The following ADARB2 variants were observed in gnomAD, a reference collection of about 807,000 sequenced individuals.
ADARB2 encodes the protein adenosine deaminase RNA specific B2 (inactive).
Under a neutral mutation model 62.2 loss-of-function variants are expected in ADARB2, and 25 were observed. The ratio of observed to expected loss-of-function variants is 0.40; its 90% CI spans 0.29 to 0.56. The LOEUF (loss-of-function observed/expected upper bound fraction) is 0.56. ADARB2 is among the 20% of genes least tolerant of loss of function. The pLI, the probability that ADARB2 is intolerant of heterozygous loss-of-function variation, is 0.43. For missense variants in ADARB2, 1,071 were observed against 1,077.4 expected (o/e 0.99, Z 0.08); for synonymous variants, 572 against 500.8 (o/e 1.14, Z -1.90).
intron 3 of ADARB2, among the ~76,000 whole-genome samples, chr10:1,306,063 A>T (rs1053459452): frequency 6.6e-6 from 1 of 152,156 alleles, no homozygotes; most frequent in South Asian, 2.1e-4. Flanking sequence ...GGCCAGTGCA[A>T]TTAGGCAGGA....
intron 1 of ADARB2, among the ~76,000 whole-genome samples, chr10:1,614,290 T>C (rs1833604417): frequency 6.6e-6 from 1 of 152,240 alleles, no homozygotes. Context: ...AAAAGCAAAA[T>C]AGATACTGTT....
chr10:1,451,633 G>C (rs1218346974), intron 1 of ADARB2, among the ~76,000 whole-genome samples: 5 of 151,772 alleles, frequency 3.3e-5, no homozygotes, highest in Non-Finnish European at 5.9e-5. Flanking sequence ...TCCTGAGAAG[G>C]GGACACACCT....
chr10:1,252,177 G>A (rs1476765258), intron 4 of ADARB2, among the ~76,000 whole-genome samples: 1 of 152,176 alleles, frequency 6.6e-6, no homozygotes, highest in Non-Finnish European at 1.5e-5. Flanking sequence ...ACTGTATCTG[G>A]TTTTGGAGGA....
intron 1 of ADARB2, among the ~76,000 whole-genome samples, chr10:1,566,661 G>A (rs1026330897): frequency 6.6e-6 from 1 of 152,196 alleles, no homozygotes; most frequent in Admixed American, 6.5e-5. Flanking sequence ...TAAAAAATTT[G>A]TGTCACTTTG....
At chr10:1,683,068 C>T (rs1834559203) in intron 1 of ADARB2, among the ~76,000 whole-genome samples, 1 of 152,202 alleles carries the variant, frequency 6.6e-6, no homozygotes, top group South Asian at 2.1e-4. Context: ...CTGCTGCAGA[C>T]AATGTTTTGT....
chr10:1,693,018 GT>G (rs1236207931), intron 1 of ADARB2, among the ~76,000 whole-genome samples: 1 of 152,150 alleles, frequency 6.6e-6, no homozygotes, highest in African/African-American at 2.4e-5. Context: ...GAAGCCTGGA[GT>G]TTTTGGAAGT....
chr10:1,711,032 C>A (rs533028692), intron 1 of ADARB2, among the ~76,000 whole-genome samples: 1 of 152,268 alleles, frequency 6.6e-6, no homozygotes, highest in African/African-American at 2.4e-5. Flanking sequence ...CACCATCAGC[C>A]AGTGACGTGT....
chr10:1,472,502 G>A (rs947880438), intron 1 of ADARB2, among the ~76,000 whole-genome samples: 3 of 152,174 alleles, frequency 2.0e-5, no homozygotes, highest in Non-Finnish European at 4.4e-5. Context: ...AGTGGACACC[G>A]GGCCAGGAGA....
chr10:1,371,642 G>A (rs1338695505), intron 2 of ADARB2, among the ~76,000 whole-genome samples: 1 of 151,956 alleles, frequency 6.6e-6, no homozygotes, highest in African/African-American at 2.4e-5. Flanking sequence ...TGGGCAAAGG[G>A]CATGAACAGA....
intron 1 of ADARB2, among the ~76,000 whole-genome samples, chr10:1,644,704 C>T (rs1464675414): frequency 6.6e-6 from 1 of 152,244 alleles, no homozygotes; most frequent in East Asian, 1.9e-4. Context: ...CATGGAGTCT[C>T]CTGCTGCTGA....
At chr10:1,658,425 T>C (rs1465837298) in intron 1 of ADARB2, among the ~76,000 whole-genome samples, 1 of 152,148 alleles carries the variant, frequency 6.6e-6, no homozygotes, top group Non-Finnish European at 1.5e-5. Context: ...TGTCTCTGTC[T>C]GATTCTCTCT....
At chr10:1,375,252 T>A (rs1447192992) in intron 2 of ADARB2, among the ~76,000 whole-genome samples, 1 of 152,106 alleles carries the variant, frequency 6.6e-6, no homozygotes, top group Non-Finnish European at 1.5e-5. Flanking sequence ...GCAGAGAGGT[T>A]ACAGTGGCCA....
intron 1 of ADARB2, among the ~76,000 whole-genome samples, chr10:1,600,214 A>G (rs1392752594): frequency 1.3e-5 from 2 of 152,080 alleles, no homozygotes; most frequent in Non-Finnish European, 2.9e-5. Flanking sequence ...GCAGCCTCAG[A>G]TGGGCCCATT....
At chr10:1,410,242 T>C (rs1261389559) in intron 1 of ADARB2, among the ~76,000 whole-genome samples, 11 of 126,424 alleles carry the variant, frequency 8.7e-5, no homozygotes, top group African/African-American at 4.8e-4. Context: ...TGGGGAAGGA[T>C]TGTCAGTGGT....
At position 1,635,956 on chromosome 10, in the gene ADARB2, C is replaced by T. The variant is rs539127323; in HGVS notation, c.100+101095G>A. 3.2e-3 allele frequency among the ~76,000 whole-genome samples: 493 copies of T among 151,970 alleles called. 1 individual carries two copies. Among genetic ancestry groups the T allele is most frequent in the Non-Finnish European group, 4.7e-3 (322 of 68,004 alleles). ...ATGTTAAAACAAACTAACAAAGAAA[C>T]GAAGAGACATAAACCACGGCTGGAT... On this transcript the variant is annotated intron_variant, in intron 1 of 9. Coordinates refer to ENST00000381312, the MANE Select transcript of ADARB2 (RefSeq NM_018702.4).
intron 3 of ADARB2, among the ~76,000 whole-genome samples, chr10:1,298,198 T>TA (rs1831540277): frequency 6.6e-6 from 1 of 152,206 alleles, no homozygotes; most frequent in South Asian, 2.1e-4. Context: ...TCCGGGAGAC[T>TA]AAAATGTAGG....
intron 1 of ADARB2, among the ~76,000 whole-genome samples, chr10:1,464,747 G>T (rs1176728280): frequency 7.3e-6 from 1 of 136,690 alleles, no homozygotes; most frequent in Admixed American, 7.2e-5. Flanking sequence ...CCACACACGC[G>T]CTGGGGGCAG....
rs532665123 is a variant in ADARB2, at chr10:1,254,274, G to T, written c.1193-11975C>A. Among the ~76,000 whole-genome samples, 5 of 151,958 alleles carry T rather than the reference G, an allele frequency of 3.3e-5. 1 individual carries two copies. In the South Asian group the frequency reaches 1.0e-3, roughly 32 times the overall value. On this transcript the variant is annotated intron_variant, in intron 4 of 9. Coordinates refer to ENST00000381312, the MANE Select transcript of ADARB2 (RefSeq NM_018702.4). ...CTCCAGTGCCTGTGAGGCAGTAGTA[G>T]TTTCTGGAGGGCCTCCTGTTGTATG...
At chr10:1,530,456 C>T (rs562299375) in intron 1 of ADARB2, among the ~76,000 whole-genome samples, 3 of 152,324 alleles carry the variant, frequency 2.0e-5, no homozygotes, top group South Asian at 2.1e-4. Flanking sequence ...CTCGTGAGTG[C>T]GTCTCACTGA....
Sources: gnomAD v4.1 joint callset for allele counts (sites outside exome capture counted in the v4.1 genomes callset) on GRCh38, gnomAD v4.1.1 for gene constraint, MANE v1.5 for transcripts, NCBI Gene and HGNC (gene_info 2026-07-23, HGNC 2026-07-21) for gene names.